The following CCND3 variants were observed in gnomAD, a reference collection of about 807,000 sequenced individuals.
CCND3 encodes G1/S-specific cyclin-D3.
A neutral mutation model predicts 28.7 loss-of-function variants in CCND3; 9 were observed. The ratio of observed to expected loss-of-function variants is 0.31; its 90% CI spans 0.19 to 0.55. CCND3 has a LOEUF of 0.55. CCND3 is among the 20% of genes least tolerant of loss of function. CCND3 has a pLI of 0.93. For missense variants in CCND3, 315 were observed against 385.8 expected (o/e 0.82, Z 1.54); for synonymous variants, 164 against 163.9 (o/e 1.00, Z 0.00).
At chr6:41,947,152 T>C (rs1300712949) in intron 1 of CCND3, among the ~76,000 whole-genome samples, 1 of 151,252 alleles carries the variant, frequency 6.6e-6, no homozygotes, top group African/African-American at 2.4e-5. Flanking sequence ...ACCCACCAGG[T>C]AGAGGTTGCA....
intron 1 of CCND3, among the ~76,000 whole-genome samples, chr6:42,003,525 C>CAAAAAAAAAAAAAAAAAAAAA (rs61494473): frequency 1.4e-5 from 1 of 73,508 alleles, no homozygotes; most frequent in Non-Finnish European, 2.3e-5. Context: ...GACTCTGTCT[C>CAAAAAAAAAAAAAAAAAAAAA]AAAAAAAAAA....
intron 1 of CCND3, among the ~76,000 whole-genome samples, chr6:42,035,058 G>C (rs1244719010): frequency 6.6e-6 from 1 of 152,230 alleles, no homozygotes; most frequent in East Asian, 1.9e-4. Context: ...TTTAAAACTT[G>C]TTAATGCAAC....
chr6:41,952,535 G>A (rs940826129), intron 1 of CCND3, among the ~76,000 whole-genome samples: 15 of 152,206 alleles, frequency 9.9e-5, no homozygotes, highest in African/African-American at 3.4e-4. Context: ...GGATGGAGGA[G>A]GAGTGGAATT....
intron 1 of CCND3, among the ~76,000 whole-genome samples, chr6:42,006,004 A>T (rs1486923180): frequency 2.6e-5 from 4 of 150,948 alleles, no homozygotes; most frequent in Admixed American, 1.3e-4. Context: ...TCTACACAAA[A>T]AATTTTTTTT....
intron 1 of CCND3, among the ~76,000 whole-genome samples, chr6:42,047,134 G>C (rs1372132148): frequency 3.3e-5 from 5 of 152,226 alleles, no homozygotes; most frequent in Non-Finnish European, 7.3e-5. Context: ...GCCCTTGAGG[G>C]AAGGGGAAGC....
Position 41,938,955 on chromosome 6 carries a change from A to G in CCND3, c.414+1415T>C, listed in dbSNP as rs1194432930. 1.3e-5 allele frequency among the ~76,000 whole-genome samples: 2 copies of G among 152,126 alleles called. No individual in the cohort carries two copies. The highest frequency in any genetic ancestry group is 2.4e-5 in the African/African-American group (1 of 41,432). The stretch of plus-strand genomic sequence containing the variant: ...CCCCAGCTCAGGCAGAGGGAAGAGT[A>G]CTTTTTGCCTGTACTGAAAAACCCT... On this transcript the variant is annotated intron_variant, in intron 2 of 4. Transcript: ENST00000372991. The surrounding 1 kb of genome is among the most constrained non-coding windows in gnomAD (Gnocchi z 4.6).
At chr6:42,046,551 T>A (rs560521155) in intron 1 of CCND3, among the ~76,000 whole-genome samples, 2 of 152,368 alleles carry the variant, frequency 1.3e-5, no homozygotes, top group African/African-American at 4.8e-5. Context: ...GAATATAATC[T>A]TAGTTCATTC....
chr6:41,997,276 C>T (rs1170133622), intron 1 of CCND3, among the ~76,000 whole-genome samples: 2 of 152,204 alleles, frequency 1.3e-5, no homozygotes, highest in African/African-American at 4.8e-5. Context: ...GCAACCTTTG[C>T]ACTGTCTCCA....
chr6:41,989,454 C>CAAAAAAAAAAAAAAAA lies in CCND3; in HGVS notation c.-45-48870_-45-48869insTTTTTTTTTTTTTTTT, dbSNP rs35776222. Among the ~76,000 whole-genome samples, 12 of 21,708 alleles carry CAAAAAAAAAAAAAAAA rather than the reference C, an allele frequency of 5.5e-4. 1 individual carries two copies. The highest frequency in any genetic ancestry group is 6.6e-4 in the Non-Finnish European group (6 of 9,128). 14.2% of individuals were successfully genotyped at this position (21,708 alleles called of 152,430 possible). On this transcript the variant is annotated intron_variant, in intron 1 of 4. Coordinates refer to the CCND3 transcript ENST00000372988. ...GGGCGACAAGAGTGAAACACTGTCT[C>CAAAAAAAAAAAAAAAA]AAAAAAAAAAAACAAAAAAAAAAAA...
chr6:41,988,824 G>A (rs982504521), intron 1 of CCND3, among the ~76,000 whole-genome samples: 3 of 149,318 alleles, frequency 2.0e-5, no homozygotes, highest in Non-Finnish European at 3.0e-5. Flanking sequence ...TGAGGCTCCC[G>A]AATAGCTGGG....
At chr6:41,953,909 C>T (rs1282207121) in intron 1 of CCND3, among the ~76,000 whole-genome samples, 2 of 151,750 alleles carry the variant, frequency 1.3e-5, no homozygotes, top group Non-Finnish European at 1.5e-5. Flanking sequence ...TTACTATGTG[C>T]CAGGCACTAC....
intron 1 of CCND3, among the ~76,000 whole-genome samples, chr6:41,957,654 G>A (rs1776471964): frequency 6.6e-6 from 1 of 152,122 alleles, no homozygotes; most frequent in African/African-American, 2.4e-5. Flanking sequence ...ATTCCTGAGG[G>A]TAGGCACCAC....
intron 1 of CCND3, among the ~76,000 whole-genome samples, chr6:41,959,443 G>A (rs1234632029): frequency 6.6e-6 from 1 of 152,132 alleles, no homozygotes. Flanking sequence ...CCAGCACTTT[G>A]GGAGGCCAAG....
intron 1 of CCND3, among the ~76,000 whole-genome samples, chr6:41,948,115 TA>T (rs1377729511): frequency 6.7e-6 from 1 of 149,216 alleles, no homozygotes; most frequent in Non-Finnish European, 1.5e-5. Context: ...GCATTCCTCT[TA>T]CAGCCTTTCC....
At chr6:41,946,595 CAAAAAAAAAAAAAAA>C (rs35369019), upstream of CCND3, among the ~76,000 whole-genome samples, 22 of 20,934 alleles carry the variant, frequency 1.1e-3, no homozygotes, top group East Asian at 0.024. Context: ...AGACCTGTCT[CAAAAAAAAAAAAAAA>C]AAAAAAAAAA....
At position 41,976,602 on chromosome 6, in the gene CCND3, G is replaced by A. The variant is rs542155139; in HGVS notation, c.-45-36017C>T. Among the ~76,000 whole-genome samples the A allele has an allele frequency of 9.2e-5, 14 of 152,196 alleles. No individual in the cohort carries two copies. The East Asian group carries it at 9.7e-4, about 10-fold the overall frequency. Reference sequence around the variant, plus strand: ...GAGGAGGTCAAGGCTACCGTGAGCCGTGATTGAGCCAGTCTGGGTGACAGA... The same window carrying A: ...GAGGAGGTCAAGGCTACCGTGAGCCATGATTGAGCCAGTCTGGGTGACAGA... On this transcript the variant is annotated intron_variant, in intron 1 of 4. Transcript: ENST00000372988.
chr6:41,951,577 A>ACACACAC (rs1247884939), intron 1 of CCND3, among the ~76,000 whole-genome samples: 15 of 145,944 alleles, frequency 1.0e-4, no homozygotes, highest in Non-Finnish European at 2.0e-4. Context: ...CACACACACA[A>ACACACAC]AAAAAAAGAT....
chr6:41,959,740 G>A (rs949605063), intron 1 of CCND3, among the ~76,000 whole-genome samples: 1 of 151,606 alleles, frequency 6.6e-6, no homozygotes, highest in Non-Finnish European at 1.5e-5. Context: ...GCCTGACCAC[G>A]AGGTCAGGAG....
chr6:42,030,579 C>T (rs528840192), intron 1 of CCND3, among the ~76,000 whole-genome samples: 10 of 152,322 alleles, frequency 6.6e-5, no homozygotes, highest in Admixed American at 2.0e-4. Flanking sequence ...ACCCGGCCTC[C>T]AGGACCACTC....
Sources: gnomAD v4.1 joint callset for allele counts (sites outside exome capture counted in the v4.1 genomes callset) on GRCh38, gnomAD v4.1.1 for gene constraint, Gnocchi (gnomAD v3.1) non-coding constraint, MANE v1.5 for transcripts, NCBI Gene and HGNC (gene_info 2026-07-23, HGNC 2026-07-21) for gene names.